Variants in VKORC1L1 observed in about 807,000 individuals in gnomAD.
VKORC1L1 encodes the protein vitamin K epoxide reductase complex subunit 1-like protein 1.
Under a neutral mutation model 18.9 loss-of-function variants are expected in VKORC1L1, and 2 were observed. That is an observed-to-expected ratio of 0.11 (90% CI 0.04 to 0.33). VKORC1L1 has a LOEUF of 0.33. VKORC1L1 is among the 10% of genes least tolerant of loss of function. The pLI, the probability that VKORC1L1 is intolerant of heterozygous loss-of-function variation, is 1.00. For missense variants in VKORC1L1, 123 were observed against 224.1 expected (o/e 0.55, Z 2.88); for synonymous variants, 96 against 100.0 (o/e 0.96, Z 0.24).
intron 1 of VKORC1L1, among the ~76,000 whole-genome samples, chr7:65,925,622 A>G (rs1789748875): frequency 6.6e-6 from 1 of 152,170 alleles, no homozygotes; most frequent in Admixed American, 6.6e-5. Flanking sequence ...GGAAGCAGTA[A>G]GGGCTTTGAG....
At chr7:65,953,372 G>T in intron 2 of VKORC1L1, among the ~76,000 whole-genome samples, 1 of 152,212 alleles carries the variant, frequency 6.6e-6, no homozygotes. Context: ...TGAAAGTCCA[G>T]AGAAGGTTCT....
intron 1 of VKORC1L1, among the ~76,000 whole-genome samples, chr7:65,876,177 C>T (rs1250175857): frequency 6.6e-6 from 1 of 152,192 alleles, no homozygotes; most frequent in Non-Finnish European, 1.5e-5. Flanking sequence ...ACACCACTAT[C>T]TCCTGTCACC....
At chr7:65,885,690 T>G (rs1319081185) in intron 1 of VKORC1L1, among the ~76,000 whole-genome samples, 1 of 152,178 alleles carries the variant, frequency 6.6e-6, no homozygotes, top group Non-Finnish European at 1.5e-5. Context: ...AAGGCTTTTC[T>G]GCATACATAA....
At chr7:65,873,906 T>C (rs1788778609) in intron 1 of VKORC1L1, among the ~76,000 whole-genome samples, 2 of 151,154 alleles carry the variant, frequency 1.3e-5, no homozygotes, top group African/African-American at 4.9e-5. Flanking sequence ...GGAGGGTGGG[T>C]CCAGGCTGGC....
chr7:65,945,289 A>G (rs1790100961), intron 1 of VKORC1L1, among the ~76,000 whole-genome samples: 1 of 150,218 alleles, frequency 6.7e-6, no homozygotes, highest in East Asian at 2.0e-4. Flanking sequence ...CAATGTAAAC[A>G]TATTATTTAG....
upstream of VKORC1L1, among the ~76,000 whole-genome samples, chr7:65,869,394 T>C (rs1170615312): frequency 1.3e-5 from 2 of 152,154 alleles, no homozygotes; most frequent in East Asian, 1.9e-4. Flanking sequence ...CCTTGGAATA[T>C]AGAATTTGCC....
intron 1 of VKORC1L1, among the ~76,000 whole-genome samples, chr7:65,898,084 T>G (rs1458527532): frequency 9.8e-6 from 1 of 101,708 alleles, no homozygotes; most frequent in Admixed American, 1.1e-4. Flanking sequence ...CAGGTTTTTT[T>G]TTTTTTTTTT....
At chr7:65,935,521 G>A (rs1789928659) in intron 1 of VKORC1L1, among the ~76,000 whole-genome samples, 1 of 152,078 alleles carries the variant, frequency 6.6e-6, no homozygotes, top group African/African-American at 2.4e-5. Flanking sequence ...TGTTGGCCAG[G>A]ATGATCTTCG....
At chr7:65,868,192 G>A (rs892106742), upstream of VKORC1L1, among the ~76,000 whole-genome samples, 4 of 152,084 alleles carry the variant, frequency 2.6e-5, no homozygotes, top group Non-Finnish European at 1.5e-5. Flanking sequence ...GAGATGGCTC[G>A]CACCTGTAAC....
intron 1 of VKORC1L1, among the ~76,000 whole-genome samples, chr7:65,944,841 T>C (rs1790090972): frequency 6.7e-6 from 1 of 149,998 alleles, no homozygotes; most frequent in Non-Finnish European, 1.5e-5. Context: ...TGCTTGAGAC[T>C]GGGAGGTGGA....
the VKORC1L1 span, among the ~76,000 whole-genome samples, chr7:65,866,975 T>A: frequency 6.6e-6 from 1 of 151,842 alleles, no homozygotes; most frequent in African/African-American, 2.4e-5. Flanking sequence ...CAGATCATGG[T>A]CAACAGATGA....
Position 65,955,657 on chromosome 7 carries a change from G to A in VKORC1L1, c.*1357G>A, listed in dbSNP as rs1331447531. 2 of 152,180 alleles carry A rather than the reference G, an allele frequency of 1.3e-5. No homozygotes were observed. The highest frequency in any genetic ancestry group is 4.8e-5 in the African/African-American group (2 of 41,444). The allele number at this position is 152,180 out of a possible 1,614,324, so 9.4% of individuals were successfully genotyped here. A position where few individuals can be genotyped will look rare whatever the true frequency, so the allele number is the denominator to read the frequency against. On this transcript the variant is annotated 3_prime_UTR_variant, in exon 3 of 3. Transcript: ENST00000360768. Reference sequence around the variant, plus strand: ...TTAAATCTCAAACCAAATATTTTGTGTGTTGACCTTGGGCAGAAGAAGTGT... The same window carrying A: ...TTAAATCTCAAACCAAATATTTTGTATGTTGACCTTGGGCAGAAGAAGTGT...
At chr7:65,942,453 C>T (rs1242633511) in intron 1 of VKORC1L1, among the ~76,000 whole-genome samples, 4 of 144,430 alleles carry the variant, frequency 2.8e-5, no homozygotes, top group African/African-American at 7.7e-5. Context: ...GACCACGCCA[C>T]TGCACACCGG....
intron 1 of VKORC1L1, among the ~76,000 whole-genome samples, chr7:65,877,108 T>C (rs1788840078): frequency 6.6e-6 from 1 of 152,192 alleles, no homozygotes; most frequent in South Asian, 2.1e-4. Context: ...AAGTGATACA[T>C]GTATGTTCCT....
At chr7:65,898,233 C>T (rs2116383356) in intron 1 of VKORC1L1, among the ~76,000 whole-genome samples, 1 of 151,746 alleles carries the variant, frequency 6.6e-6, no homozygotes, top group East Asian at 1.9e-4. Context: ...GTTACAGGCG[C>T]CTGCCATCAC....
At chr7:65,915,506 G>C (rs1469899832) in intron 1 of VKORC1L1, among the ~76,000 whole-genome samples, 1 of 151,528 alleles carries the variant, frequency 6.6e-6, no homozygotes, top group Non-Finnish European at 1.5e-5. Context: ...CGCCTCCTGG[G>C]TTCAAGTGAT....
At chr7:65,930,221 A>G (rs190216949) in intron 1 of VKORC1L1, among the ~76,000 whole-genome samples, 78 of 152,320 alleles carry the variant, frequency 5.1e-4, no homozygotes, top group East Asian at 7.7e-4. Flanking sequence ...GAGTAAAGCT[A>G]TTATTCAGAG....
At chr7:65,869,350 A>G (rs1385583722), upstream of VKORC1L1, among the ~76,000 whole-genome samples, 1 of 152,152 alleles carries the variant, frequency 6.6e-6, no homozygotes, top group South Asian at 2.1e-4. Context: ...AATTGTAAAA[A>G]AAGCACACGG....
chr7:65,899,238 G>A (rs999075558), intron 1 of VKORC1L1, among the ~76,000 whole-genome samples: 3 of 152,144 alleles, frequency 2.0e-5, no homozygotes, highest in Non-Finnish European at 2.9e-5. Context: ...GCTCAAGGCC[G>A]CAGCCTCTTG....
Sources: allele counts gnomAD v4.1 joint callset (sites outside exome capture counted in the v4.1 genomes callset), GRCh38; gene constraint gnomAD v4.1.1; transcripts MANE v1.5; gene names NCBI Gene and HGNC (gene_info 2026-07-23, HGNC 2026-07-21).